The following MTCH2 variants were observed in gnomAD, a reference collection of about 807,000 sequenced individuals.
MTCH2 encodes the protein mitochondrial carrier homolog 2.
MTCH2 carries 25 observed loss-of-function variants against 50.6 expected under a neutral mutation model. The ratio of observed to expected loss-of-function variants is 0.49; its 90% CI spans 0.36 to 0.69. MTCH2 has a LOEUF of 0.69. Among genes scored for constraint, MTCH2 ranks in the 30% least tolerant of loss-of-function variants. The pLI is 0.00. For synonymous variants in MTCH2, 106 were observed against 132.0 expected, an observed-to-expected ratio of 0.80 and a Z score of 1.35; for missense variants, 273 against 384.4, an observed-to-expected ratio of 0.71 and a Z score of 2.42.
intron 1 of MTCH2, 143 bp from the exon 2 acceptor site, chr11:47,639,194 A>T: frequency 2.9e-6 from 2 of 691,476 alleles, no homozygotes; most frequent in Non-Finnish European, 4.8e-6. Flanking sequence ...GCAATGATGA[A>T]GCATCATTCT....
chr11:47,606,161 T>G, the MTCH2 span, among the ~76,000 whole-genome samples: 1 of 152,154 alleles, frequency 6.6e-6, no homozygotes, highest in Non-Finnish European at 1.5e-5. Context: ...AATGGCTAGG[T>G]GGTTAGGTTT....
downstream of MTCH2, among the ~76,000 whole-genome samples, chr11:47,613,236 C>T: frequency 6.6e-6 from 1 of 151,638 alleles, no homozygotes; most frequent in East Asian, 1.9e-4. Context: ...CAAAACAAAA[C>T]AAAAAAACAC....
chr11:47,614,286 CTTAA>C (rs150095729), downstream of MTCH2, among the ~76,000 whole-genome samples: 677 of 152,132 alleles, frequency 4.5e-3, 5 homozygotes, highest in African/African-American at 0.016. Flanking sequence ...GAGTGAGTTG[CTTAA>C]TTAGAGTCTC....
chr11:47,626,895 G>A (rs2097298742), intron 10 of MTCH2, among the ~76,000 whole-genome samples, 185 bp downstream of exon 10: 1 of 152,152 alleles, frequency 6.6e-6, no homozygotes, highest in African/African-American at 2.4e-5. Context: ...TTACAGGCAT[G>A]AGCCATGGCG....
rs2097289372 is a variant in MTCH2 at position 47,617,616 on chromosome 11, T to C, written c.*1217A>G. The C allele has an allele frequency of 6.6e-6, 1 of 152,606 alleles. No homozygotes were observed. The allele number at this position is 152,606 out of a possible 1,614,324, so 9.5% of individuals were successfully genotyped here. On this transcript the variant is annotated 3_prime_UTR_variant, in exon 13 of 13. Transcript: ENST00000302503. ...TTAAGTGCTTACTCATTTGGCAATG[T>C]CCCAGTGAGTTATATAAATAAGTGA... is the stretch of plus-strand genomic sequence containing the variant.
chr11:47,625,242 G>A (rs1212692832), intron 11 of MTCH2, among the ~76,000 whole-genome samples: 1 of 151,778 alleles, frequency 6.6e-6, no homozygotes, highest in Admixed American at 6.6e-5. Context: ...CCAACATGGT[G>A]AAACCCTGTC....
chr11:47,615,391 C>T (rs1202793254), downstream of MTCH2, among the ~76,000 whole-genome samples: 1 of 152,100 alleles, frequency 6.6e-6, no homozygotes, highest in Non-Finnish European at 1.5e-5. Context: ...TTAGTTTGTA[C>T]TATCATTACA....
chr11:47,622,563 C>G, intron 12 of MTCH2, 138 bp downstream of exon 12: 1 of 652,144 alleles, frequency 1.5e-6, no homozygotes, highest in Non-Finnish European at 2.6e-6. Flanking sequence ...GTAAAGTGTA[C>G]ATTAACTGGC....
the MTCH2 span, among the ~76,000 whole-genome samples, chr11:47,610,121 A>C: frequency 3.9e-5 from 6 of 152,196 alleles, no homozygotes; most frequent in Admixed American, 1.3e-4. Flanking sequence ...TATTCAGTGG[A>C]TACAGCTAGG....
the MTCH2 span, among the ~76,000 whole-genome samples, chr11:47,609,573 G>C: frequency 7.2e-6 from 1 of 139,434 alleles, no homozygotes; most frequent in South Asian, 2.4e-4. Flanking sequence ...GTTGCAGTGA[G>C]TTGGGATCGT....
chr11:47,624,299 A>G (rs570100708), intron 11 of MTCH2, among the ~76,000 whole-genome samples: 1 of 152,108 alleles, frequency 6.6e-6, no homozygotes, highest in South Asian at 2.1e-4. Flanking sequence ...AGAATTTGGA[A>G]ATCAATGGAG....
intron 1 of MTCH2, among the ~76,000 whole-genome samples, chr11:47,641,186 G>A (rs1188028262): frequency 6.6e-6 from 1 of 152,180 alleles, no homozygotes; most frequent in African/African-American, 2.4e-5. Context: ...GAACGCGCCC[G>A]GCCCCAAGGG....
chr11:47,617,977 T>C lies in MTCH2; in HGVS notation c.*856A>G, dbSNP rs972376719. 7 of 152,192 alleles carry C rather than the reference T, an allele frequency of 4.6e-5. No individual in the cohort carries two copies. The highest frequency in any genetic ancestry group is 1.0e-4 in the Non-Finnish European group (7 of 68,034). 9.4% of individuals were successfully genotyped at this position (152,192 alleles called of 1,614,324 possible). ...AAGATTATATATAATTAGAACTGTA[T>C]GGTGTAATTTAAGCACTGGCAAATA... On this transcript the variant is annotated 3_prime_UTR_variant, in exon 13 of 13. Coordinates refer to ENST00000302503, the MANE Select transcript of MTCH2 (RefSeq NM_014342.4).
the MTCH2 span, among the ~76,000 whole-genome samples, chr11:47,609,152 A>G: frequency 1.3e-5 from 2 of 148,804 alleles, no homozygotes; most frequent in South Asian, 4.2e-4. Context: ...AAAAAGAAAA[A>G]AGAAAAAAAA....
intron 3 of MTCH2, among the ~76,000 whole-genome samples, chr11:47,638,018 CCTT>C (rs1163061579): frequency 6.6e-6 from 1 of 152,110 alleles, no homozygotes; most frequent in African/African-American, 2.4e-5. Flanking sequence ...CTGCATAGAT[CCTT>C]CTTCTTGACT....
At chr11:47,609,124 C>CAAAA in the MTCH2 span, among the ~76,000 whole-genome samples, 5 of 89,904 alleles carry the variant, frequency 5.6e-5, no homozygotes, top group African/African-American at 8.6e-5. Flanking sequence ...AACTCTGTCT[C>CAAAA]AAAAAAAAAA....
At chr11:47,629,226 CT>C in intron 8 of MTCH2, 180 bp from the exon 9 acceptor site, 2 of 567,128 alleles carry the variant, frequency 3.5e-6, no homozygotes, top group Non-Finnish European at 6.3e-6. Context: ...CACAGCTGTA[CT>C]TGAAGCTGAT....
the MTCH2 span, among the ~76,000 whole-genome samples, chr11:47,607,319 T>TG: frequency 6.6e-6 from 1 of 152,212 alleles, no homozygotes; most frequent in Admixed American, 6.5e-5. Context: ...GGTGAACTGT[T>TG]GTTTTTTTCC....
intron 9 of MTCH2, among the ~76,000 whole-genome samples, chr11:47,628,399 CTT>C (rs1005386946): frequency 1.3e-4 from 20 of 152,164 alleles, no homozygotes; most frequent in African/African-American, 4.8e-4. Flanking sequence ...GGCTAAGTCT[CTT>C]GGGTATACTC....
Sources: gnomAD v4.1 joint callset for allele counts (sites outside exome capture counted in the v4.1 genomes callset) on GRCh38, gnomAD v4.1.1 for gene constraint, MANE v1.5 for transcripts, NCBI Gene and HGNC (gene_info 2026-07-23, HGNC 2026-07-21) for gene names.